The following ANKS1B variants were observed in gnomAD, a reference collection of about 807,000 sequenced individuals.
ANKS1B encodes the protein ankyrin repeat and sterile alpha motif domain containing 1B.
ANKS1B carries 36 observed loss-of-function variants against 148.3 expected under a neutral mutation model. The ratio of observed to expected loss-of-function variants is 0.24; its 90% CI spans 0.19 to 0.32. The LOEUF (loss-of-function observed/expected upper bound fraction) is 0.32. Among genes scored for constraint, ANKS1B ranks in the 10% least tolerant of loss-of-function variants. The pLI is 1.00. For synonymous variants in ANKS1B, 542 were observed against 560.8 expected (o/e 0.97, Z 0.47); for missense variants, 1,157 against 1,542.6 (o/e 0.75, Z 4.19).
intron 1 of ANKS1B, among the ~76,000 whole-genome samples, chr12:99,904,815 G>A (rs190664101): frequency 2.0e-4 from 30 of 152,284 alleles, no homozygotes; most frequent in African/African-American, 7.0e-4. Context: ...AAACTACCGA[G>A]TTGGATCACT....
chr12:99,354,667 T>G (rs1173628887), intron 12 of ANKS1B, among the ~76,000 whole-genome samples: 1 of 152,076 alleles, frequency 6.6e-6, no homozygotes. Context: ...AGTCTCGTAC[T>G]ACTAGGCCAA....
chr12:99,460,378 C>T (rs1361019459), intron 10 of ANKS1B, among the ~76,000 whole-genome samples: 1 of 151,960 alleles, frequency 6.6e-6, no homozygotes. Context: ...GACCAAGAAC[C>T]CAAAAACAAA....
At chr12:99,233,576 T>G (rs185476389) in intron 14 of ANKS1B, among the ~76,000 whole-genome samples, 112 of 152,276 alleles carry the variant, frequency 7.4e-4, no homozygotes, top group Middle Eastern at 3.4e-3. Context: ...GGCATTTGAG[T>G]CTGATTTCAA....
At chr12:98,956,433 T>C (rs1291310793) in intron 17 of ANKS1B, 1 of 152,216 alleles carries the variant, frequency 6.6e-6, no homozygotes, top group Non-Finnish European at 1.5e-5. Flanking sequence ...CATGTTACTC[T>C]TCTGCTTAAA....
chr12:99,089,104 C>T (rs962466787), intron 15 of ANKS1B, among the ~76,000 whole-genome samples: 9 of 151,868 alleles, frequency 5.9e-5, no homozygotes. Flanking sequence ...GGATTACAGG[C>T]GTGAGCAACC....
intron 17 of ANKS1B, among the ~76,000 whole-genome samples, chr12:98,876,840 CATG>C (rs985319063): frequency 2.6e-5 from 4 of 152,136 alleles, no homozygotes; most frequent in Admixed American, 2.0e-4. Context: ...GTAGAAATCA[CATG>C]ATATTTTAGA....
intron 15 of ANKS1B, among the ~76,000 whole-genome samples, chr12:99,152,063 A>G (rs1252996691): frequency 6.6e-6 from 1 of 152,206 alleles, no homozygotes; most frequent in Non-Finnish European, 1.5e-5. Context: ...ACCACATTAA[A>G]GAAATATGTT....
chr12:99,385,820 G>A (rs2093836526), intron 12 of ANKS1B, among the ~76,000 whole-genome samples: 1 of 152,084 alleles, frequency 6.6e-6, no homozygotes, highest in South Asian at 2.1e-4. Flanking sequence ...AATAAAGTAA[G>A]TACTTTTTAC....
chr12:98,959,004 A>C (rs959282283), intron 17 of ANKS1B, among the ~76,000 whole-genome samples: 17 of 152,324 alleles, frequency 1.1e-4, no homozygotes, highest in Middle Eastern at 3.4e-3. Context: ...GTTATACTTT[A>C]TAATAAAAAT....
chr12:99,224,180 A>G (rs1357425536), intron 14 of ANKS1B, among the ~76,000 whole-genome samples: 1 of 152,188 alleles, frequency 6.6e-6, no homozygotes, highest in Admixed American at 6.5e-5. Context: ...AGTGCTTATA[A>G]ACTGTATTCA....
intron 4 of ANKS1B, among the ~76,000 whole-genome samples, chr12:99,802,945 C>CACATGTA (rs2067139406): frequency 6.7e-6 from 1 of 150,356 alleles, no homozygotes; most frequent in Non-Finnish European, 1.5e-5. Flanking sequence ...AAAATAAAAT[C>CACATGTA]ACATGTAACT....
chr12:98,847,532 G>A (rs916766398), intron 17 of ANKS1B, among the ~76,000 whole-genome samples: 2 of 151,896 alleles, frequency 1.3e-5, no homozygotes, highest in African/African-American at 4.8e-5. Flanking sequence ...TTGATTCCTT[G>A]TCTTAGGACA....
intron 17 of ANKS1B, among the ~76,000 whole-genome samples, chr12:98,957,132 A>G (rs149469597): frequency 4.8e-4 from 73 of 152,284 alleles, no homozygotes; most frequent in African/African-American, 1.7e-3. Flanking sequence ...AGAAGATCAT[A>G]GCTCAAGGAA....
intron 3 of ANKS1B, among the ~76,000 whole-genome samples, chr12:99,809,289 T>G (rs929444337): frequency 9.2e-5 from 14 of 151,816 alleles, no homozygotes; most frequent in African/African-American, 3.4e-4. Context: ...GTAAAACATC[T>G]AACAAGAGTT....
chr12:99,413,643 A>T (rs1027604584), intron 11 of ANKS1B, among the ~76,000 whole-genome samples: 1 of 152,226 alleles, frequency 6.6e-6, no homozygotes, highest in Non-Finnish European at 1.5e-5. Flanking sequence ...GAAAATTTTT[A>T]AAAATCTTTA....
chr12:99,082,914 C>G (rs2050317284), intron 16 of ANKS1B, among the ~76,000 whole-genome samples: 1 of 152,078 alleles, frequency 6.6e-6, no homozygotes, highest in Admixed American at 6.6e-5. Context: ...GCTATAGATA[C>G]AGCAGTATGG....
rs772883800 is a variant in ANKS1B, at chr12:98,773,150, A to G, written c.3471T>C (p.Asn1157=). 1.2e-6 allele frequency: 2 copies of G among 1,609,718 alleles called. No individual in the cohort carries two copies. Among genetic ancestry groups the G allele is most frequent in the Admixed American group, 1.7e-5 (1 of 58,900 alleles). ...CTGGGTCCTGGGCAGCACAGGAGAT[A>G]TTACGAATTTCATGCTCAGCAATTA... ...KNIIAEHEIR[N]ISCAAQDPED... is the part of the protein sequence containing the mutation. The change falls in exon 25 of 27, where the codon AAT becomes AAC. Residue 1157 remains asparagine, a synonymous_variant. Coordinates refer to ENST00000683438, the MANE Select transcript of ANKS1B (RefSeq NM_001352186.2).
At chr12:99,412,182 A>G (rs2094732030) in intron 11 of ANKS1B, among the ~76,000 whole-genome samples, 1 of 152,098 alleles carries the variant, frequency 6.6e-6, no homozygotes, top group Admixed American at 6.6e-5. Context: ...TTCTGGCATT[A>G]AGTCAGTTTT....
intron 15 of ANKS1B, among the ~76,000 whole-genome samples, chr12:99,096,800 G>A (rs985489947): frequency 2.0e-5 from 3 of 152,170 alleles, no homozygotes; most frequent in Admixed American, 2.0e-4. Context: ...GTAATTAAAT[G>A]TCCTCCTGTC....
Sources: allele counts gnomAD v4.1 joint callset (sites outside exome capture counted in the v4.1 genomes callset), GRCh38; gene constraint gnomAD v4.1.1; transcripts MANE v1.5; gene names NCBI Gene and HGNC (gene_info 2026-07-23, HGNC 2026-07-21).